DCDC1: variants seen among roughly 807,000 people sequenced by gnomAD.
DCDC1 encodes the protein doublecortin domain containing 1.
Under a neutral mutation model 178.3 loss-of-function variants are expected in DCDC1, and 200 were observed. That is an observed-to-expected ratio of 1.12 (90% CI 1.00 to 1.26). DCDC1 has a LOEUF of 1.26. Ranked by LOEUF, DCDC1 falls within the 50% of genes most tolerant of loss-of-function variation. The pLI is 0.00. For missense variants in DCDC1, 1,983 were observed against 1,749.2 expected, an observed-to-expected ratio of 1.13 and a Z score of -2.38; for synonymous variants, 690 against 604.8, an observed-to-expected ratio of 1.14 and a Z score of -2.07.
intron 20 of DCDC1, among the ~76,000 whole-genome samples, chr11:31,022,686 T>TGTGTGG (rs764221163): frequency 6.8e-6 from 1 of 146,568 alleles, no homozygotes; most frequent in Non-Finnish European, 1.5e-5. Flanking sequence ...TGTGTGTGTG[T>TGTGTGG]GGTATGTGTT....
intron 21 of DCDC1, among the ~76,000 whole-genome samples, chr11:30,933,347 T>C (rs1325365637): frequency 6.6e-6 from 1 of 152,174 alleles, no homozygotes; most frequent in African/African-American, 2.4e-5. Context: ...AAGAAATTTA[T>C]ATTTTGTTAA....
At chr11:31,301,341 G>T (rs1231415456) in intron 6 of DCDC1, among the ~76,000 whole-genome samples, 2 of 152,210 alleles carry the variant, frequency 1.3e-5, no homozygotes, top group African/African-American at 4.8e-5. Context: ...GAATTAAGTA[G>T]TGGTTGCCCT....
At chr11:31,056,112 T>C (rs937567145) in intron 20 of DCDC1, among the ~76,000 whole-genome samples, 8 of 152,092 alleles carry the variant, frequency 5.3e-5, no homozygotes, top group African/African-American at 1.9e-4. Context: ...GTTTGTGAAA[T>C]GGTAAAAACA....
Position 30,881,141 on chromosome 11 carries a change from G to T in DCDC1, c.5233+17C>A. ...AATTCTTCAAAGACTTGATGGAAAA[G>T]AAACTATCATGCATACCTTTTGGGG... On this transcript the variant is annotated intron_variant, in intron 37 of 38. Transcript: ENST00000684477. The T allele has an allele frequency of 6.2e-7, 1 of 1,611,714 alleles. No homozygotes were observed. The highest frequency in any genetic ancestry group is 8.5e-7 in the Non-Finnish European group (1 of 1,178,872).
intron 20 of DCDC1, among the ~76,000 whole-genome samples, chr11:31,005,132 T>C (rs1951769495): frequency 6.6e-6 from 1 of 152,198 alleles, no homozygotes. Flanking sequence ...TTTGGTCAAT[T>C]TAACAACAAA....
chr11:31,348,972 T>G lies in DCDC1; in HGVS notation c.-124-13408A>C, dbSNP rs560879982. On this transcript the variant is annotated intron_variant, in intron 1 of 38. Transcript: ENST00000684477. ...GTCTACTCTTCTACAATGCAATAGTTATATCCCTGAGTAAACTTGCATTAT... is the reference window on the plus strand; with the variant it reads ...GTCTACTCTTCTACAATGCAATAGTGATATCCCTGAGTAAACTTGCATTAT... 5.3e-5 allele frequency among the ~76,000 whole-genome samples: 8 copies of G among 152,332 alleles called. No individual in the cohort carries two copies. In the South Asian group the frequency reaches 1.7e-3, roughly 32 times the overall value.
chr11:31,118,318 A>G (rs78069674), intron 11 of DCDC1, among the ~76,000 whole-genome samples: 1 of 152,274 alleles, frequency 6.6e-6, no homozygotes, highest in Non-Finnish European at 1.5e-5. Context: ...AGCTGTACAA[A>G]AGCTTACTAT....
intron 20 of DCDC1, among the ~76,000 whole-genome samples, chr11:31,017,484 T>C (rs1402879469): frequency 6.6e-6 from 1 of 151,976 alleles, no homozygotes; most frequent in Non-Finnish European, 1.5e-5. Context: ...CAACCCTGTC[T>C]CAAAAATAAA....
intron 15 of DCDC1, among the ~76,000 whole-genome samples, chr11:31,100,571 T>C (rs1958441150): frequency 6.6e-6 from 1 of 152,190 alleles, no homozygotes; most frequent in South Asian, 2.1e-4. Context: ...GTAATGGTAA[T>C]GGCTGGGGGT....
intron 9 of DCDC1, among the ~76,000 whole-genome samples, chr11:31,179,603 A>C (rs796616439): frequency 2.0e-5 from 3 of 152,312 alleles, no homozygotes; most frequent in African/African-American, 7.2e-5. Context: ...TCTCACTCCT[A>C]TGTGGGATCT....
chr11:31,328,521 G>A (rs938076491), intron 2 of DCDC1, among the ~76,000 whole-genome samples: 6 of 152,040 alleles, frequency 3.9e-5, no homozygotes, highest in South Asian at 2.1e-4. Flanking sequence ...AAAATGGGCC[G>A]GGTTCAGTGG....
At chr11:31,220,378 T>C (rs1425595797) in intron 9 of DCDC1, among the ~76,000 whole-genome samples, 1 of 152,192 alleles carries the variant, frequency 6.6e-6, no homozygotes, top group African/African-American at 2.4e-5. Context: ...AAAATTACTT[T>C]TTGAATTTCC....
intron 9 of DCDC1, among the ~76,000 whole-genome samples, chr11:31,196,778 T>C (rs946352470): frequency 2.6e-5 from 4 of 152,080 alleles, no homozygotes; most frequent in Admixed American, 6.6e-5. Context: ...ATCCACTGCA[T>C]TGGTGATGAA....
At chr11:31,084,838 C>A (rs928161630) in intron 17 of DCDC1, among the ~76,000 whole-genome samples, 1 of 151,468 alleles carries the variant, frequency 6.6e-6, no homozygotes, top group Non-Finnish European at 1.5e-5. Context: ...AATTCCATGA[C>A]AATCTTGACC....
At chr11:31,233,087 CAA>C (rs145908518) in intron 9 of DCDC1, among the ~76,000 whole-genome samples, 33 of 122,730 alleles carry the variant, frequency 2.7e-4, no homozygotes, top group East Asian at 4.7e-4. Flanking sequence ...GACTTCATCT[CAA>C]AAAAAAAAAA....
At chr11:30,956,078 A>T (rs1338842778) in intron 20 of DCDC1, among the ~76,000 whole-genome samples, 1 of 152,210 alleles carries the variant, frequency 6.6e-6, no homozygotes, top group Non-Finnish European at 1.5e-5. Context: ...GGAGACCAAG[A>T]ATACCAAATA....
At chr11:31,367,501 G>C (rs1181128143) in intron 1 of DCDC1, among the ~76,000 whole-genome samples, 1 of 152,146 alleles carries the variant, frequency 6.6e-6, no homozygotes, top group East Asian at 1.9e-4. Context: ...GAGATAATAG[G>C]GGAGGTTGGA....
intron 21 of DCDC1, among the ~76,000 whole-genome samples, chr11:30,934,018 C>T (rs183620054): frequency 3.7e-4 from 57 of 152,304 alleles, no homozygotes; most frequent in Non-Finnish European, 6.6e-4. Context: ...CATGTCTTAA[C>T]GCAAGCCTGT....
At chr11:31,177,111 C>T (rs1968143858) in intron 9 of DCDC1, among the ~76,000 whole-genome samples, 2 of 151,756 alleles carry the variant, frequency 1.3e-5, no homozygotes, top group Admixed American at 6.6e-5. Context: ...GGCTCAGGAA[C>T]ATATAATAGA....
Sources: allele counts gnomAD v4.1 joint callset (sites outside exome capture counted in the v4.1 genomes callset), GRCh38; gene constraint gnomAD v4.1.1; transcripts MANE v1.5; gene names NCBI Gene and HGNC (gene_info 2026-07-23, HGNC 2026-07-21).